Variants in MYO3A observed in about 807,000 individuals in gnomAD.
MYO3A encodes the protein myosin IIIA.
In MYO3A, 180 loss-of-function variants were observed where a neutral mutation model predicts 192.7. That is an observed-to-expected ratio of 0.93 (90% CI 0.83 to 1.06). MYO3A has a LOEUF of 1.06. MYO3A is among the 50% of genes least tolerant of loss of function. MYO3A has a pLI of 0.00. For synonymous variants in MYO3A, 628 were observed against 645.3 expected, an observed-to-expected ratio of 0.97 and a Z score of 0.41; for missense variants, 1,896 against 1,905.0, an observed-to-expected ratio of 1.00 and a Z score of 0.09.
intron 17 of MYO3A, among the ~76,000 whole-genome samples, chr10:26,097,384 G>A (rs1451284592): frequency 6.6e-6 from 1 of 151,620 alleles, no homozygotes; most frequent in Non-Finnish European, 1.5e-5. Context: ...GTTCTTTAAC[G>A]TTTTATTTTT....
intron 17 of MYO3A, 122 bp from the exon 18 acceptor site, chr10:26,120,554 C>A: frequency 7.6e-7 from 1 of 1,307,812 alleles, no homozygotes; most frequent in Non-Finnish European, 1.1e-6. Context: ...GTGGCGTCAT[C>A]ATAGTCTGTG....
intron 17 of MYO3A, among the ~76,000 whole-genome samples, chr10:26,109,052 A>G (rs1225428160): frequency 5.3e-5 from 8 of 152,252 alleles, no homozygotes; most frequent in Non-Finnish European, 7.3e-5. Context: ...AAGAATACAT[A>G]GATTCAAATG....
chr10:26,137,981 GCTT>G (rs1404867042), intron 20 of MYO3A, among the ~76,000 whole-genome samples: 1 of 152,166 alleles, frequency 6.6e-6, no homozygotes, highest in Non-Finnish European at 1.5e-5. Flanking sequence ...CAGTAATTCT[GCTT>G]TTACCCTTTG....
intron 8 of MYO3A, chr10:26,022,824 TGATA>T (rs1369251209): frequency 6.6e-6 from 1 of 152,200 alleles, no homozygotes; most frequent in African/African-American, 2.4e-5. Flanking sequence ...ATGACACTGT[TGATA>T]GATATTGTAC....
chr10:26,107,517 A>C (rs1331580565), intron 17 of MYO3A, among the ~76,000 whole-genome samples: 1 of 151,586 alleles, frequency 6.6e-6, no homozygotes, highest in African/African-American at 2.4e-5. Context: ...GGTAAAACTC[A>C]ACTGTGTCTG....
At chr10:26,082,326 GT>G (rs1836009680) in intron 14 of MYO3A, among the ~76,000 whole-genome samples, 1 of 151,916 alleles carries the variant, frequency 6.6e-6, no homozygotes, top group Non-Finnish European at 1.5e-5. Context: ...TATTCCTAAT[GT>G]TTTGTTTTTA....
intron 14 of MYO3A, among the ~76,000 whole-genome samples, chr10:26,087,233 C>A (rs74126394): frequency 6.6e-6 from 1 of 152,186 alleles, no homozygotes; most frequent in Non-Finnish European, 1.5e-5. Flanking sequence ...GTTCATCCCC[C>A]AAATTACTAC....
intron 4 of MYO3A, among the ~76,000 whole-genome samples, chr10:25,985,101 G>A (rs916068313): frequency 6.6e-5 from 10 of 152,086 alleles, no homozygotes; most frequent in African/African-American, 2.4e-4. Flanking sequence ...AGCCAGGCAT[G>A]GCGGTGTGTG....
intron 4 of MYO3A, among the ~76,000 whole-genome samples, chr10:25,984,211 C>A (rs1024803659): frequency 2.6e-5 from 4 of 151,966 alleles, no homozygotes; most frequent in African/African-American, 9.7e-5. Context: ...GAAAAACAAT[C>A]AAGGTATTCA....
intron 32 of MYO3A, among the ~76,000 whole-genome samples, chr10:26,198,448 A>G (rs945143174): frequency 6.6e-6 from 1 of 152,204 alleles, no homozygotes; most frequent in Non-Finnish European, 1.5e-5. Context: ...CAATCTTATC[A>G]GAGATCCCTT....
chr10:26,063,580 A>G (rs1246196512), intron 10 of MYO3A, among the ~76,000 whole-genome samples: 2 of 152,228 alleles, frequency 1.3e-5, no homozygotes, highest in Non-Finnish European at 1.5e-5. Context: ...GAAATTTACA[A>G]TCTAGTAAAG....
intron 26 of MYO3A, among the ~76,000 whole-genome samples, chr10:26,163,166 A>C (rs866584311): frequency 6.6e-6 from 1 of 152,212 alleles, no homozygotes; most frequent in South Asian, 2.1e-4. Flanking sequence ...GGTAGTCATC[A>C]TGTGTGGCAA....
At chr10:26,038,942 T>C (rs1235956379) in intron 10 of MYO3A, among the ~76,000 whole-genome samples, 1 of 152,232 alleles carries the variant, frequency 6.6e-6, no homozygotes, top group Non-Finnish European at 1.5e-5. Flanking sequence ...TGATATAATG[T>C]ATCACATTGA....
chr10:26,004,892 A>T (rs1841086193), intron 6 of MYO3A, among the ~76,000 whole-genome samples: 1 of 152,222 alleles, frequency 6.6e-6, no homozygotes, highest in Non-Finnish European at 1.5e-5. Context: ...TTACAGAAGA[A>T]TGCTGATGAG....
intron 7 of MYO3A, among the ~76,000 whole-genome samples, chr10:26,020,046 A>G (rs1390481243): frequency 6.7e-6 from 1 of 149,410 alleles, no homozygotes; most frequent in Admixed American, 6.7e-5. Flanking sequence ...TTCTGTCTTT[A>G]TATATAGACA....
At position 26,211,883 on chromosome 10, in the gene MYO3A, G is replaced by C. The variant is rs1162695637; in HGVS notation, c.4771G>C (p.Glu1591Gln). 2 of 1,614,060 alleles carry C rather than the reference G, an allele frequency of 1.2e-6. No homozygotes were observed. Among genetic ancestry groups the C allele is most frequent in the Admixed American group, 1.7e-5 (1 of 60,022 alleles). ...AESPEKEEER[E>Q]PAANPYDFRR... ...GAGCCCCGAGAAGGAGGAGGAGAGA[G>C]AGCCAGCAGCCAACCCCTACGACTT... is the stretch of plus-strand genomic sequence containing the variant. Residue 1591 changes from glutamate (E) to glutamine (Q), a missense_variant, in exon 35 of 35, where the codon GAG becomes CAG. Transcript: ENST00000642920.
intron 4 of MYO3A, among the ~76,000 whole-genome samples, chr10:25,970,119 T>A (rs968908240): frequency 2.6e-5 from 4 of 152,104 alleles, no homozygotes; most frequent in African/African-American, 9.7e-5. Flanking sequence ...AATGGAAATT[T>A]CAAAATCATT....
At chr10:26,152,225 T>C (rs1340597105) in intron 23 of MYO3A, among the ~76,000 whole-genome samples, 1 of 152,240 alleles carries the variant, frequency 6.6e-6, no homozygotes, top group African/African-American at 2.4e-5. Context: ...GGATTTTATA[T>C]TCACCCAGAT....
intron 31 of MYO3A, among the ~76,000 whole-genome samples, chr10:26,188,270 T>G (rs1258991928): frequency 6.6e-6 from 1 of 152,216 alleles, no homozygotes; most frequent in East Asian, 1.9e-4. Context: ...TCATGTGTTT[T>G]TTGGCTGCAT....
Sources: allele counts gnomAD v4.1 joint callset (sites outside exome capture counted in the v4.1 genomes callset), GRCh38; gene constraint gnomAD v4.1.1; transcripts MANE v1.5; gene names NCBI Gene and HGNC (gene_info 2026-07-23, HGNC 2026-07-21).